TANK: variants seen among roughly 807,000 people sequenced by gnomAD.
TANK encodes the protein TRAF family member-associated NF-kappa-B activator.
A neutral mutation model predicts 43.6 loss-of-function variants in TANK; 15 were observed. That is an observed-to-expected ratio of 0.34 (90% CI 0.23 to 0.53). The LOEUF (loss-of-function observed/expected upper bound fraction) is 0.53, where lower values mean the gene tolerates loss of function less well. Ranked by LOEUF, TANK falls within the 20% of genes least tolerant of loss-of-function variation. The pLI, the probability that TANK is intolerant of heterozygous loss-of-function variation, is 0.94. For synonymous variants in TANK, 162 were observed against 178.2 expected, an observed-to-expected ratio of 0.91 and a Z score of 0.73; for missense variants, 417 against 498.6, an observed-to-expected ratio of 0.84 and a Z score of 1.56.
chr2:161,161,170 TAGA>T, intron 1 of TANK: 3 of 1,459,144 alleles, frequency 2.1e-6, no homozygotes, highest in Non-Finnish European at 2.7e-6. Context: ...TGTGCTTTTC[TAGA>T]AGTAGAAAGG....
At position 161,160,495 on chromosome 2, in the gene TANK, G is replaced by A; in HGVS notation, c.-50+9G>A. On this transcript the variant is annotated intron_variant, in intron 1 of 7. Coordinates refer to ENST00000392749, the MANE Select transcript of TANK (RefSeq NM_001199135.3). ...CTGAAAGCGTGAACTGTGTGAGTAAGAAACTTTGTGAATTGGTGTGTCCGA... is the reference window on the plus strand; with the variant it reads ...CTGAAAGCGTGAACTGTGTGAGTAAAAAACTTTGTGAATTGGTGTGTCCGA... 7.9e-7 allele frequency: 1 copy of A among 1,257,910 alleles called. No individual in the cohort carries two copies. The highest frequency in any genetic ancestry group is 1.0e-6 in the Non-Finnish European group (1 of 999,894). The allele number at this position is 1,257,910 out of a possible 1,614,324, so 77.9% of individuals were successfully genotyped here.
chr2:161,161,779 C>T (rs1040436547), intron 1 of TANK: 10 of 170,262 alleles, frequency 5.9e-5, no homozygotes, highest in African/African-American at 2.1e-4. Context: ...TATATATTGC[C>T]CAGTATTCTT....
intron 1 of TANK, among the ~76,000 whole-genome samples, chr2:161,172,354 G>GCTTTT (rs371483543): frequency 0.087 from 11,679 of 134,136 alleles, 666 homozygotes; most frequent in African/African-American, 0.2. Flanking sequence ...GTTTTTTTCG[G>GCTTTT]CTTTTTTTTT....
At chr2:161,140,917 C>T (rs1436268197) in intron 1 of TANK, among the ~76,000 whole-genome samples, 3 of 152,026 alleles carry the variant, frequency 2.0e-5, no homozygotes, top group Non-Finnish European at 4.4e-5. Context: ...TTCCTACCCC[C>T]ACCACTCACA....
chr2:161,176,885 T>G (rs1685195876), intron 1 of TANK, among the ~76,000 whole-genome samples: 1 of 152,104 alleles, frequency 6.6e-6, no homozygotes, highest in Non-Finnish European at 1.5e-5. Flanking sequence ...CAGTGATAGA[T>G]AGCTTAGCCG....
chr2:161,168,668 A>C (rs1194746357), intron 1 of TANK, among the ~76,000 whole-genome samples: 2 of 152,190 alleles, frequency 1.3e-5, no homozygotes, highest in Non-Finnish European at 2.9e-5. Context: ...CCCCGTCTCT[A>C]CTAAAAATAC....
chr2:161,166,924 G>A (rs1304628878), intron 1 of TANK, among the ~76,000 whole-genome samples: 2 of 152,218 alleles, frequency 1.3e-5, no homozygotes, highest in African/African-American at 2.4e-5. Context: ...AGCCCAAGGG[G>A]TTGGGAAAGG....
intron 2 of TANK, 33 bp from the exon 3 acceptor site, chr2:161,203,454 G>C (rs1421301801): frequency 7.0e-7 from 1 of 1,423,636 alleles, no homozygotes; most frequent in Non-Finnish European, 9.8e-7. Flanking sequence ...GTCTATCAGT[G>C]AATATCAGGC....
At chr2:161,164,254 T>C (rs1684572793) in intron 1 of TANK, among the ~76,000 whole-genome samples, 1 of 152,248 alleles carries the variant, frequency 6.6e-6, no homozygotes, top group Non-Finnish European at 1.5e-5. Flanking sequence ...TGACTGTTAC[T>C]GTTTATCCTT....
At chr2:161,174,515 G>A (rs116295346) in intron 1 of TANK, among the ~76,000 whole-genome samples, 3,529 of 152,194 alleles carry the variant, frequency 0.023, 61 homozygotes, top group Non-Finnish European at 0.036. Flanking sequence ...AGCAGCTACT[G>A]TTTTTAAATA....
chr2:161,212,181 C>T, intron 4 of TANK: 1 of 307,110 alleles, frequency 3.3e-6, no homozygotes, highest in Non-Finnish European at 4.8e-6. Flanking sequence ...CTGCCTCAGC[C>T]TCCCGAATAG....
At chr2:161,231,592 C>T (rs771158669) in intron 7 of TANK, 41 bp downstream of exon 7, 30 of 1,567,500 alleles carry the variant, frequency 1.9e-5, no homozygotes, top group Non-Finnish European at 2.5e-5. Context: ...TATGTGTGAA[C>T]ACACATTTTG....
intron 1 of TANK, chr2:161,161,146 A>G: frequency 7.2e-7 from 1 of 1,395,288 alleles, no homozygotes; most frequent in Non-Finnish European, 9.5e-7. Flanking sequence ...GCAACGAGTT[A>G]CAGGCAAAAA....
chr2:161,187,283 A>G (rs1021317768), intron 2 of TANK, among the ~76,000 whole-genome samples: 20 of 151,864 alleles, frequency 1.3e-4, no homozygotes, highest in African/African-American at 4.8e-4. Flanking sequence ...AAAACAAAAA[A>G]CACCAGGTAT....
intron 1 of TANK, among the ~76,000 whole-genome samples, chr2:161,151,382 C>A (rs1684076838): frequency 1.3e-5 from 2 of 152,014 alleles, no homozygotes; most frequent in Admixed American, 1.3e-4. Flanking sequence ...TCTCCAGTGA[C>A]TATTGTAGTA....
At chr2:161,154,747 C>CTT (rs775085021) in intron 1 of TANK, among the ~76,000 whole-genome samples, 12 of 143,684 alleles carry the variant, frequency 8.4e-5, no homozygotes, top group East Asian at 2.0e-4. Flanking sequence ...TAAGCATACA[C>CTT]TTTTTTTTTT....
chr2:161,142,103 G>A (rs566061718), intron 1 of TANK, among the ~76,000 whole-genome samples: 1 of 152,292 alleles, frequency 6.6e-6, no homozygotes, highest in East Asian at 1.9e-4. Flanking sequence ...TTTTCCATAT[G>A]TTTGTTGGCT....
In TANK at chr2:161,229,944, T is replaced by G. The variant is rs148055248; in HGVS notation, c.521-1027T>G. ...AACATGGAGAGTACTTTGATGATTG[T>G]TTTTTTGTATTGAGCACTCATTGGC... On this transcript the variant is annotated intron_variant, in intron 6 of 7. Coordinates refer to ENST00000392749, the MANE Select transcript of TANK (RefSeq NM_001199135.3). Among the ~76,000 whole-genome samples the G allele has an allele frequency of 8.6e-3, 1,313 of 152,292 alleles. 13 individuals carry two copies. Among genetic ancestry groups the G allele is most frequent in the Non-Finnish European group, 0.01 (702 of 68,014 alleles).
intron 4 of TANK, chr2:161,211,961 A>G (rs1237186599): frequency 2.1e-6 from 2 of 960,672 alleles, no homozygotes; most frequent in Non-Finnish European, 2.5e-6. Context: ...AGCCTTTTTT[A>G]TAGACTTTCT....
Sources: gnomAD v4.1 joint callset for allele counts (sites outside exome capture counted in the v4.1 genomes callset) on GRCh38, gnomAD v4.1.1 for gene constraint, MANE v1.5 for transcripts, NCBI Gene and HGNC (gene_info 2026-07-23, HGNC 2026-07-21) for gene names.